Variants in IL1RAPL2 observed in about 807,000 individuals in gnomAD.
IL1RAPL2 encodes the protein X-linked interleukin-1 receptor accessory protein-like 2.
A neutral mutation model predicts 44.1 loss-of-function variants in IL1RAPL2; 3 were observed. That is an observed-to-expected ratio of 0.07 (90% CI 0.03 to 0.18). The LOEUF (loss-of-function observed/expected upper bound fraction) is 0.18, where lower values mean the gene tolerates loss of function less well. IL1RAPL2 is among the 10% of genes least tolerant of loss of function. IL1RAPL2 has a pLI of 1.00. For missense variants in IL1RAPL2, 391 were observed against 496.4 expected, an observed-to-expected ratio of 0.79 and a Z score of 2.02; for synonymous variants, 181 against 178.8, an observed-to-expected ratio of 1.01 and a Z score of -0.10.
chrX:104,844,777 A>G (rs974596362), intron 2 of IL1RAPL2, among the ~76,000 whole-genome samples: 45 of 111,599 alleles, frequency 4.0e-4, no homozygotes, highest in Non-Finnish European at 1.1e-4. Context: ...TGTCTCAGAG[A>G]GCTAGTGACA....
intron 2 of IL1RAPL2, among the ~76,000 whole-genome samples, chrX:104,882,270 C>T (rs938262245): frequency 4.5e-5 from 5 of 111,980 alleles, no homozygotes; most frequent in Non-Finnish European, 9.4e-5. Context: ...ATGGAAGGGG[C>T]ATAAGTTGGT....
chrX:105,528,598 G>A, intron 6 of IL1RAPL2, among the ~76,000 whole-genome samples: 1 of 111,583 alleles, frequency 9.0e-6, no homozygotes, highest in South Asian at 3.7e-4. Flanking sequence ...TTAACCAGTT[G>A]TTAACATTAT....
chrX:104,741,638 T>G (rs1412766847), intron 2 of IL1RAPL2, among the ~76,000 whole-genome samples: 1 of 111,105 alleles, frequency 9.0e-6, no homozygotes, highest in Non-Finnish European at 1.9e-5. Flanking sequence ...CACATTTTGA[T>G]GGTAATAAAC....
At chrX:104,792,034 T>C (rs1190544624) in intron 2 of IL1RAPL2, among the ~76,000 whole-genome samples, 1 of 111,191 alleles carries the variant, frequency 9.0e-6, no homozygotes, top group African/African-American at 3.3e-5. Flanking sequence ...GTGAGAACAA[T>C]TAGGAAGGCC....
intron 6 of IL1RAPL2, among the ~76,000 whole-genome samples, chrX:105,657,976 T>A (rs172387): frequency 0.49 from 50,902 of 103,807 alleles, 10,571 homozygotes; most frequent in African/African-American, 0.79. Flanking sequence ...AGCACCAAAT[T>A]AAAAAAAAAA....
Position 104,715,162 on chromosome X carries a change from A to G in IL1RAPL2, c.82+56167A>G, listed in dbSNP as rs189471963. The stretch of plus-strand genomic sequence containing the variant: ...TACTACTAATTAAGTTTTGGAGCTC[A>G]TTATTGGTCTGTTCAGTAAATCAAT... On this transcript the variant is annotated intron_variant, in intron 2 of 10. Transcript: ENST00000372582. Among the ~76,000 whole-genome samples, 630 of 109,628 alleles carry G rather than the reference A, an allele frequency of 5.7e-3. 2 individuals carry two copies. The highest frequency in any genetic ancestry group is 9.3e-3 in the Non-Finnish European group (487 of 52,410).
rs186916538 is a variant in IL1RAPL2, at chrX:104,660,764, C to T, written c.82+1769C>T. Among the ~76,000 whole-genome samples the T allele has an allele frequency of 3.6e-3, 386 of 107,243 alleles. 1 individual carries two copies. Among genetic ancestry groups the T allele is most frequent in the African/African-American group, 0.012 (360 of 29,493 alleles). The allele number at this position is 107,243 out of a possible 115,157, so 93.1% of individuals were successfully genotyped here. ...CCAGCCTGGGTAACATGGTGAAACC[C>T]TATTTCTACAAAAATGTAAAAATTA... On this transcript the variant is annotated intron_variant, in intron 2 of 10. Transcript: ENST00000372582.
chrX:105,219,599 C>G (rs782436709), intron 3 of IL1RAPL2: 3 of 1,210,328 alleles, frequency 2.5e-6, no homozygotes, highest in Non-Finnish European at 3.4e-6. Flanking sequence ...ACCTCCACAT[C>G]CCTCTGCTCT....
At chrX:105,739,455 G>A (rs1181667690) in intron 7 of IL1RAPL2, among the ~76,000 whole-genome samples, 6 of 104,359 alleles carry the variant, frequency 5.7e-5, no homozygotes, top group Non-Finnish European at 7.9e-5. Flanking sequence ...CCACTAACTC[G>A]TCATCTAGCA....
At chrX:105,689,840 T>C (rs903587369) in intron 6 of IL1RAPL2, among the ~76,000 whole-genome samples, 2 of 112,179 alleles carry the variant, frequency 1.8e-5, no homozygotes, top group African/African-American at 6.5e-5. Flanking sequence ...AATGATAGAC[T>C]GGATTAAGAA....
intron 5 of IL1RAPL2, among the ~76,000 whole-genome samples, chrX:105,360,515 G>GA (rs1354771886): frequency 9.0e-6 from 1 of 110,973 alleles, no homozygotes; most frequent in Non-Finnish European, 1.9e-5. Context: ...AGGTGCTCTG[G>GA]AAAAAAATTA....
intron 5 of IL1RAPL2, among the ~76,000 whole-genome samples, chrX:105,421,741 A>G (rs760465008): frequency 1.8e-5 from 2 of 111,729 alleles, no homozygotes; most frequent in East Asian, 5.7e-4. Flanking sequence ...AAAATGGTTT[A>G]TGTAGGTAAA....
intron 5 of IL1RAPL2, 69 bp downstream of exon 5, chrX:105,267,610 T>C: frequency 1.2e-6 from 1 of 868,021 alleles, no homozygotes; most frequent in South Asian, 2.8e-5. Context: ...GAAGCAAGAG[T>C]TTTGTTCAAA....
intron 2 of IL1RAPL2, among the ~76,000 whole-genome samples, chrX:105,172,969 G>A (rs187754632): frequency 1.2e-4 from 13 of 110,882 alleles, no homozygotes; most frequent in Non-Finnish European, 1.9e-4. Flanking sequence ...AGAGATAGGC[G>A]TAGGGATAAG....
rs1188505630 is a variant in IL1RAPL2 at position 105,237,253 on chromosome X, T to G, written c.543+3249T>G. On this transcript the variant is annotated intron_variant, in intron 4 of 10. Coordinates refer to ENST00000372582, the MANE Select transcript of IL1RAPL2 (RefSeq NM_017416.2). ...TAATCCAGTCTATCATTGTTGGACA[T>G]TTGGGTTGGTTCCAGGTCTTTTCTA... 4.5e-5 allele frequency among the ~76,000 whole-genome samples: 5 copies of G among 112,149 alleles called. No individual in the cohort carries two copies. In the East Asian group the frequency reaches 1.4e-3, roughly 31 times the overall value.
At chrX:104,629,526 T>A (rs1485190895) in intron 1 of IL1RAPL2, among the ~76,000 whole-genome samples, 1 of 112,172 alleles carries the variant, frequency 8.9e-6, no homozygotes, top group Non-Finnish European at 1.9e-5. Context: ...CAGAAGCTTT[T>A]TAGTTTATAA....
At chrX:105,480,011 A>G (rs1174641957) in intron 5 of IL1RAPL2, among the ~76,000 whole-genome samples, 4 of 111,507 alleles carry the variant, frequency 3.6e-5, no homozygotes, top group Non-Finnish European at 5.6e-5. Flanking sequence ...ACCATAACAT[A>G]CAAATTCCAA....
intron 6 of IL1RAPL2, among the ~76,000 whole-genome samples, chrX:105,586,821 C>T (rs369896783): frequency 1.8e-5 from 2 of 112,466 alleles, no homozygotes; most frequent in South Asian, 3.6e-4. Flanking sequence ...TGTGCATGTG[C>T]ACATGTCTTT....
At chrX:104,872,882 A>G (rs1314688249) in intron 2 of IL1RAPL2, among the ~76,000 whole-genome samples, 6 of 111,551 alleles carry the variant, frequency 5.4e-5, no homozygotes, top group African/African-American at 2.0e-4. Flanking sequence ...TAAAAAGTAT[A>G]AAATACATGA....
Sources: allele counts gnomAD v4.1 joint callset (sites outside exome capture counted in the v4.1 genomes callset), GRCh38; gene constraint gnomAD v4.1.1; transcripts MANE v1.5; gene names NCBI Gene and HGNC (gene_info 2026-07-23, HGNC 2026-07-21).